The following AGBL1 variants were observed in gnomAD, a reference collection of about 807,000 sequenced individuals.
AGBL1 encodes the protein AGBL carboxypeptidase 1.
In AGBL1, 130 loss-of-function variants were observed where a neutral mutation model predicts 118.9. That is an observed-to-expected ratio of 1.09 (90% CI 0.95 to 1.26). AGBL1 has a LOEUF of 1.26. AGBL1 is among the 50% of genes most tolerant of loss of function. The pLI is 0.00. For missense variants in AGBL1, 1,584 were observed against 1,298.1 expected, an observed-to-expected ratio of 1.22 and a Z score of -3.38; for synonymous variants, 555 against 478.9, an observed-to-expected ratio of 1.16 and a Z score of -2.08.
At chr15:86,363,839 C>T (rs184814440) in intron 17 of AGBL1, among the ~76,000 whole-genome samples, 4 of 152,284 alleles carry the variant, frequency 2.6e-5, no homozygotes, top group African/African-American at 9.6e-5. Flanking sequence ...CCCCCTGCCC[C>T]ACTCAGCTCT....
At chr15:86,925,735 T>A (rs947174736) in intron 23 of AGBL1, among the ~76,000 whole-genome samples, 3 of 140,136 alleles carry the variant, frequency 2.1e-5, no homozygotes, top group African/African-American at 5.2e-5. Context: ...TTTTTTTTTT[T>A]ATTTTTTATT....
At chr15:86,230,881 C>G (rs2078444456) in intron 6 of AGBL1, among the ~76,000 whole-genome samples, 1 of 152,056 alleles carries the variant, frequency 6.6e-6, no homozygotes, top group African/African-American at 2.4e-5. Flanking sequence ...ATCAATTAGC[C>G]CCAAGGCGGC....
intron 22 of AGBL1, among the ~76,000 whole-genome samples, chr15:86,801,860 G>A (rs778813289): frequency 6.6e-6 from 1 of 152,094 alleles, no homozygotes; most frequent in African/African-American, 2.4e-5. Flanking sequence ...TCTGGAGAGA[G>A]CTGCAGAGGA....
chr15:86,549,104 C>G (rs1374683395), intron 20 of AGBL1, among the ~76,000 whole-genome samples: 1 of 152,186 alleles, frequency 6.6e-6, no homozygotes, highest in Admixed American at 6.5e-5. Context: ...CCAGTCACCT[C>G]CTACCAGGCC....
At chr15:86,943,373 G>A (rs1224188477) in intron 23 of AGBL1, among the ~76,000 whole-genome samples, 1 of 152,118 alleles carries the variant, frequency 6.6e-6, no homozygotes, top group African/African-American at 2.4e-5. Flanking sequence ...TCACAAAACA[G>A]TATTCAAAAT....
chr15:86,961,652 C>A (rs2080994079), intron 23 of AGBL1, among the ~76,000 whole-genome samples: 1 of 152,078 alleles, frequency 6.6e-6, no homozygotes, highest in Admixed American at 6.6e-5. Context: ...TTCATTCAAC[C>A]CAAAACTCAG....
intron 21 of AGBL1, among the ~76,000 whole-genome samples, chr15:86,609,102 C>T (rs1461513336): frequency 6.6e-6 from 1 of 152,180 alleles, no homozygotes; most frequent in African/African-American, 2.4e-5. Context: ...GCATATTACA[C>T]TCCCTTTCTA....
intron 6 of AGBL1, among the ~76,000 whole-genome samples, chr15:86,237,423 G>A (rs1308217700): frequency 6.6e-6 from 1 of 152,188 alleles, no homozygotes; most frequent in East Asian, 1.9e-4. Flanking sequence ...AGCATCACTG[G>A]TGGACAGACG....
intron 18 of AGBL1, among the ~76,000 whole-genome samples, chr15:86,469,403 G>A (rs1023010904): frequency 1.6e-4 from 25 of 152,222 alleles, no homozygotes; most frequent in Admixed American, 5.9e-4. Flanking sequence ...CTGAGTTGGA[G>A]GATTTCCCTG....
intron 21 of AGBL1, among the ~76,000 whole-genome samples, chr15:86,660,477 A>G (rs934434934): frequency 6.6e-6 from 1 of 152,162 alleles, no homozygotes; most frequent in Non-Finnish European, 1.5e-5. Flanking sequence ...TTGGTAGGGG[A>G]CGTTTGCTCA....
chr15:86,977,661 G>A (rs540996988), intron 23 of AGBL1, among the ~76,000 whole-genome samples: 64 of 151,810 alleles, frequency 4.2e-4, no homozygotes, highest in African/African-American at 1.5e-3. Flanking sequence ...TATAATGATA[G>A]GAAAATTATT....
At chr15:86,182,362 C>T (rs2077565342) in intron 5 of AGBL1, among the ~76,000 whole-genome samples, 2 of 151,888 alleles carry the variant, frequency 1.3e-5, no homozygotes, top group Admixed American at 1.3e-4. Context: ...TGTTTGTTTA[C>T]AACCTGAATA....
chr15:86,797,315 T>A (rs2078587160), intron 22 of AGBL1, among the ~76,000 whole-genome samples: 1 of 152,234 alleles, frequency 6.6e-6, no homozygotes. Flanking sequence ...GACAGATTCC[T>A]CTTTACATCC....
intron 22 of AGBL1, among the ~76,000 whole-genome samples, chr15:86,795,202 A>G (rs537166362): frequency 1.3e-5 from 2 of 152,266 alleles, no homozygotes; most frequent in Non-Finnish European, 2.9e-5. Context: ...GTCAATTTCC[A>G]TTGACTATCT....
At chr15:86,141,107 T>C (rs1216549542) in intron 1 of AGBL1, among the ~76,000 whole-genome samples, 1 of 152,210 alleles carries the variant, frequency 6.6e-6, no homozygotes, top group Non-Finnish European at 1.5e-5. Flanking sequence ...GACTGAGTGG[T>C]ACTTCTGGCC....
chr15:86,738,402 T>G (rs901049937), intron 22 of AGBL1, among the ~76,000 whole-genome samples: 1 of 148,790 alleles, frequency 6.7e-6, no homozygotes, highest in Non-Finnish European at 1.5e-5. Flanking sequence ...GAGAAAAAAA[T>G]AAAAGGCATC....
chr15:87,002,021 G>A (rs2141761860), intron 24 of AGBL1, among the ~76,000 whole-genome samples: 1 of 152,130 alleles, frequency 6.6e-6, no homozygotes, highest in Non-Finnish European at 1.5e-5. Flanking sequence ...GGTTGCCATT[G>A]CTTTTGGTGT....
intron 5 of AGBL1, among the ~76,000 whole-genome samples, chr15:86,186,138 C>T (rs1045996263): frequency 7.9e-5 from 12 of 151,396 alleles, no homozygotes; most frequent in Admixed American, 2.0e-4. Flanking sequence ...AAATATCACG[C>T]GTTCTGTTCT....
intron 24 of AGBL1, among the ~76,000 whole-genome samples, chr15:86,997,427 A>C (rs1324609033): frequency 1.3e-5 from 2 of 152,192 alleles, no homozygotes; most frequent in Non-Finnish European, 2.9e-5. Flanking sequence ...GACTGCTTCA[A>C]CATTTGTTTA....
Sources: allele counts gnomAD v4.1 joint callset (sites outside exome capture counted in the v4.1 genomes callset), GRCh38; gene constraint gnomAD v4.1.1; transcripts MANE v1.5; gene names NCBI Gene and HGNC (gene_info 2026-07-23, HGNC 2026-07-21).